The following HSF5 variants were observed in gnomAD, a reference collection of about 807,000 sequenced individuals.
HSF5 encodes heat shock factor protein 5.
A neutral mutation model predicts 50.8 loss-of-function variants in HSF5; 5 were observed. The observed-to-expected ratio is 0.10, with a 90% CI of 0.05 to 0.21. The LOEUF is 0.21. Ranked by LOEUF, HSF5 falls within the 10% of genes least tolerant of loss-of-function variation. HSF5 has a pLI of 1.00. For synonymous variants in HSF5, 307 were observed against 307.4 expected (o/e 1.00, Z 0.02); for missense variants, 564 against 762.6 (o/e 0.74, Z 3.07).
chr17:58,437,089 A>C (rs1000419366), intron 5 of HSF5, among the ~76,000 whole-genome samples: 1 of 152,218 alleles, frequency 6.6e-6, no homozygotes, highest in Non-Finnish European at 1.5e-5. Context: ...AAGAGGTCAA[A>C]GAAAGTGGGC....
Position 58,488,089 on chromosome 17 carries a change from A to G in HSF5, c.186T>C (p.Thr62=). ...SPPGPGGGGG[T]AGAGAEPELF... The stretch of plus-strand genomic sequence containing the variant: ...GCTCGGGCTCGGCCCCGGCCCCCGC[A>G]GTCCCGCCACCGCCCCCCGGCCCGG... Residue 62 remains threonine, a synonymous_variant, in exon 1 of 6, where the codon ACT becomes ACC. Coordinates refer to ENST00000323777, the MANE Select transcript of HSF5 (RefSeq NM_001080439.3). The surrounding 1 kb of genome is among the most constrained non-coding windows in gnomAD (Gnocchi z 4.1). 1 of 1,497,478 alleles carries G rather than the reference A, an allele frequency of 6.7e-7. No homozygotes were observed. The highest frequency in any genetic ancestry group is 8.9e-7 in the Non-Finnish European group (1 of 1,120,112). The allele number at this position is 1,497,478 out of a possible 1,614,324, so 92.8% of individuals were successfully genotyped here.
intron 5 of HSF5, among the ~76,000 whole-genome samples, chr17:58,426,610 G>T (rs1974299427): frequency 6.6e-6 from 1 of 152,094 alleles, no homozygotes; most frequent in African/African-American, 2.4e-5. Context: ...TATAAAATGG[G>T]AAGTATTTTC....
intron 5 of HSF5, among the ~76,000 whole-genome samples, chr17:58,453,218 C>T (rs1002954902): frequency 6.6e-6 from 1 of 152,110 alleles, no homozygotes; most frequent in Non-Finnish European, 1.5e-5. Flanking sequence ...ATACCAAAAC[C>T]AGACAAAAAC....
intron 5 of HSF5, among the ~76,000 whole-genome samples, chr17:58,434,317 C>T (rs946455877): frequency 9.9e-5 from 15 of 152,110 alleles, no homozygotes; most frequent in Non-Finnish European, 8.8e-5. Context: ...GTGGCTCATG[C>T]CTATAATCCC....
chr17:58,466,623 A>T (rs1974870466), intron 3 of HSF5, among the ~76,000 whole-genome samples: 1 of 152,212 alleles, frequency 6.6e-6, no homozygotes, highest in Admixed American at 6.5e-5. Flanking sequence ...AGGAATTTTT[A>T]AATTTCATTT....
At chr17:58,434,875 T>C (rs2632518) in intron 5 of HSF5, among the ~76,000 whole-genome samples, 23,401 of 152,106 alleles carry the variant, frequency 0.15, 2,146 homozygotes, top group Non-Finnish European at 0.22. Context: ...AAAATAAAGA[T>C]ACAATGTGAT....
intron 5 of HSF5, among the ~76,000 whole-genome samples, chr17:58,444,742 AC>A (rs1388004053): frequency 6.6e-6 from 1 of 152,236 alleles, no homozygotes; most frequent in Non-Finnish European, 1.5e-5. Context: ...AGATGGGACT[AC>A]ATCAAACTTA....
rs139228251 is a variant in HSF5, at chr17:58,462,040, G to A, written c.1542+742C>T. On this transcript the variant is annotated intron_variant, in intron 4 of 5. Transcript: ENST00000323777. Reference sequence around the variant, plus strand: ...CATCTCCGTTCCCCCTCCCACTCCCGCATCCTTCCACGTCTCCAGTGTCTA... The same window carrying A: ...CATCTCCGTTCCCCCTCCCACTCCCACATCCTTCCACGTCTCCAGTGTCTA... Among the ~76,000 whole-genome samples, 592 of 152,104 alleles carry A rather than the reference G, an allele frequency of 3.9e-3. 13 individuals carry two copies. Among genetic ancestry groups the A allele is most frequent in the Non-Finnish European group, 9.0e-4 (61 of 67,998 alleles).
At chr17:58,454,131 T>C (rs1204622246) in intron 5 of HSF5, among the ~76,000 whole-genome samples, 1 of 152,036 alleles carries the variant, frequency 6.6e-6, no homozygotes, top group Non-Finnish European at 1.5e-5. Context: ...CTTTGTTCAC[T>C]TGTTTATCTG....
intron 2 of HSF5, among the ~76,000 whole-genome samples, chr17:58,468,216 G>A (rs867658850): frequency 1.3e-5 from 2 of 152,000 alleles, no homozygotes; most frequent in Non-Finnish European, 2.9e-5. Flanking sequence ...TAGGCAACAC[G>A]GTGAAACCCC....
At chr17:58,469,695 T>C (rs2143792115) in intron 2 of HSF5, among the ~76,000 whole-genome samples, 1 of 152,328 alleles carries the variant, frequency 6.6e-6, no homozygotes, top group Middle Eastern at 3.4e-3. Context: ...TTTATAAAAC[T>C]TAGTTTATCA....
At chr17:58,445,305 C>T (rs899014068) in intron 5 of HSF5, among the ~76,000 whole-genome samples, 5 of 152,110 alleles carry the variant, frequency 3.3e-5, no homozygotes, top group Admixed American at 1.3e-4. Flanking sequence ...TGGAGCCAGG[C>T]GCGGTGGCAC....
At chr17:58,469,349 A>G (rs1974914519) in intron 2 of HSF5, among the ~76,000 whole-genome samples, 1 of 152,254 alleles carries the variant, frequency 6.6e-6, no homozygotes, top group Non-Finnish European at 1.5e-5. Context: ...ATAAACTACA[A>G]TATATAACAG....
chr17:58,436,092 C>T (rs1389396044), intron 5 of HSF5, among the ~76,000 whole-genome samples: 1 of 152,056 alleles, frequency 6.6e-6, no homozygotes, highest in Non-Finnish European at 1.5e-5. Context: ...CAAGGTCACA[C>T]AGTAAAGAGC....
At chr17:58,425,358 A>G (rs1302076830) in intron 5 of HSF5, among the ~76,000 whole-genome samples, 2 of 151,712 alleles carry the variant, frequency 1.3e-5, no homozygotes, top group Non-Finnish European at 2.9e-5. Context: ...GTGAGCCGAG[A>G]TTGCGTCATT....
intron 5 of HSF5, among the ~76,000 whole-genome samples, chr17:58,440,850 A>G (rs1974490354): frequency 6.6e-6 from 1 of 152,246 alleles, no homozygotes; most frequent in South Asian, 2.1e-4. Flanking sequence ...GTCAAACAGC[A>G]CATTAGACCT....
intron 5 of HSF5, among the ~76,000 whole-genome samples, chr17:58,423,735 T>C (rs1000634285): frequency 1.3e-5 from 2 of 152,056 alleles, no homozygotes; most frequent in African/African-American, 4.8e-5. Flanking sequence ...CGCCTCAGCC[T>C]CCCAAAGTGC....
intron 5 of HSF5, among the ~76,000 whole-genome samples, chr17:58,450,546 G>A (rs986730692): frequency 2.6e-4 from 39 of 151,210 alleles, no homozygotes; most frequent in Non-Finnish European, 5.5e-4. Context: ...CTGAGGTCGG[G>A]AGTTCGAGAC....
intron 5 of HSF5, among the ~76,000 whole-genome samples, chr17:58,429,842 T>TAAAA (rs60957147): frequency 4.5e-4 from 60 of 133,708 alleles, no homozygotes; most frequent in Middle Eastern, 4.0e-3. Context: ...CAAGACTCTG[T>TAAAA]AAAAAAAAAA....
Sources: gnomAD v4.1 joint callset for allele counts (sites outside exome capture counted in the v4.1 genomes callset) on GRCh38, gnomAD v4.1.1 for gene constraint, Gnocchi (gnomAD v3.1) non-coding constraint, MANE v1.5 for transcripts, NCBI Gene and HGNC (gene_info 2026-07-23, HGNC 2026-07-21) for gene names.